Variants in KIF17 observed in about 807,000 individuals in gnomAD.
KIF17 encodes kinesin-like protein KIF17.
In KIF17, 80 loss-of-function variants were observed where a neutral mutation model predicts 96.8. The observed-to-expected ratio is 0.83, with a 90% CI of 0.69 to 1.00. KIF17 has a LOEUF of 1.00. Ranked by LOEUF, KIF17 falls within the 50% of genes least tolerant of loss-of-function variation. The probability of loss-of-function intolerance (pLI) is 0.00; values close to 1 mark genes in which losing one functional copy is unlikely to be tolerated. For synonymous variants in KIF17, 567 were observed against 587.5 expected, an observed-to-expected ratio of 0.97 and a Z score of 0.51; for missense variants, 1,280 against 1,372.9, an observed-to-expected ratio of 0.93 and a Z score of 1.07.
At position 20,685,295 on chromosome 1, in the gene KIF17, A is replaced by C; in HGVS notation, c.2020-275T>G. 1.6e-6 allele frequency: 1 copy of C among 637,116 alleles called. No homozygotes were observed. 39.5% of individuals were successfully genotyped at this position (637,116 alleles called of 1,614,324 possible). On this transcript the variant is annotated intron_variant, in intron 9 of 14. Coordinates refer to ENST00000400463, the MANE Select transcript of KIF17 (RefSeq NM_001122819.3). This position sits in a 1 kb window ranked among gnomAD's most constrained non-coding sequence, Gnocchi z 4.1. The stretch of plus-strand genomic sequence containing the variant: ...CACAGGCAGCCAGGGCCATCTTAAA[A>C]TAGAAACCGATCACATCCCGTTCCC...
chr1:20,708,910 A>G (rs2054389121), intron 4 of KIF17, among the ~76,000 whole-genome samples: 1 of 152,226 alleles, frequency 6.6e-6, no homozygotes, highest in Non-Finnish European at 1.5e-5. Context: ...AGAACGTTAC[A>G]GAGGGAGAGG....
rs866968341 is a variant in KIF17 at position 20,710,563 on chromosome 1, G to T, written c.481-735C>A. On this transcript the variant is annotated intron_variant, in intron 3 of 14. Transcript: ENST00000400463. The stretch of plus-strand genomic sequence containing the variant: ...ACACGGTATTTTTCAAGTGTGAGAG[G>T]AAATAAAACCACTCTGGCACCAGAG... Among the ~76,000 whole-genome samples, 31 of 151,888 alleles carry T rather than the reference G, an allele frequency of 2.0e-4. 1 individual carries two copies. Among genetic ancestry groups the T allele is most frequent in the African/African-American group, 7.5e-4 (31 of 41,384 alleles).
intron 1 of KIF17, 73 bp from the exon 2 acceptor site, chr1:20,715,712 C>T: frequency 6.3e-7 from 1 of 1,582,870 alleles, no homozygotes; most frequent in South Asian, 1.1e-5. Context: ...GGCTCCCTAA[C>T]CCACAGACTC....
At position 20,685,316 on chromosome 1, in the gene KIF17, T is replaced by G; in HGVS notation, c.2020-296A>C. The stretch of plus-strand genomic sequence containing the variant: ...TAAAATAGAAACCGATCACATCCCG[T>G]TCCCGATGAGCCCCATGTGACTTCC... On this transcript the variant is annotated intron_variant, in intron 9 of 14. Coordinates refer to ENST00000400463, the MANE Select transcript of KIF17 (RefSeq NM_001122819.3). This position sits in a 1 kb window ranked among gnomAD's most constrained non-coding sequence, Gnocchi z 4.1. 12 of 565,762 alleles carry G rather than the reference T, an allele frequency of 2.1e-5. No individual in the cohort carries two copies. Among genetic ancestry groups the G allele is most frequent in the Non-Finnish European group, 3.7e-5 (11 of 298,002 alleles). 35.0% of individuals were successfully genotyped at this position (565,762 alleles called of 1,614,324 possible). A position where few individuals can be genotyped will look rare whatever the true frequency, so the allele number is the denominator to read the frequency against.
At chr1:20,675,711 G>A (rs939592307) in intron 11 of KIF17, among the ~76,000 whole-genome samples, 14 of 152,092 alleles carry the variant, frequency 9.2e-5, no homozygotes, top group African/African-American at 3.1e-4. Context: ...AGAAACCAGC[G>A]GGAACTCTAA....
downstream of KIF17, chr1:20,663,971 A>T: frequency 3.1e-5 from 5 of 160,776 alleles, no homozygotes; most frequent in South Asian, 1.7e-4. Context: ...AATGGCAGGG[A>T]GGGGCCCCAA....
chr1:20,676,914 A>T (rs2053749326), intron 11 of KIF17, among the ~76,000 whole-genome samples: 1 of 151,500 alleles, frequency 6.6e-6, no homozygotes, highest in African/African-American at 2.4e-5. Flanking sequence ...AAGTGGTAAA[A>T]ATCCAAGTTT....
chr1:20,689,426 G>A (rs1347010853), intron 7 of KIF17, among the ~76,000 whole-genome samples: 1 of 152,204 alleles, frequency 6.6e-6, no homozygotes, highest in Non-Finnish European at 1.5e-5. Flanking sequence ...CAAGGCAGGT[G>A]GATCGCTTGA....
rs2154536281 is a variant in KIF17, at chr1:20,690,283, T to A, written c.1286A>T (p.Glu429Val). 2.1e-6 allele frequency: 3 copies of A among 1,396,260 alleles called. No individual in the cohort carries two copies. Among genetic ancestry groups the A allele is most frequent in the Middle Eastern group, 2.0e-4 (1 of 4,934 alleles). The allele number at this position is 1,396,260 out of a possible 1,614,324, so 86.5% of individuals were successfully genotyped here. The change falls in exon 7 of 15, where the codon GAG becomes GTG. Residue 429 changes from glutamate to valine, a missense_variant. Transcript: ENST00000400463. ...RLKADYKAEQ[E>V]SRARLEEDIT... ...GTCTTCCTCCAGCCTGGCCCGAGAC[T>A]CCTGCTCGGCCTTATAGTCGGCTTT...
In KIF17 at chr1:20,710,449, C is replaced by T. The variant is rs79394808; in HGVS notation, c.481-621G>A. Among the ~76,000 whole-genome samples the T allele has an allele frequency of 1.1e-4, 16 of 152,292 alleles. No individual in the cohort carries two copies. The South Asian group carries it at 2.7e-3, about 26-fold the overall frequency. ...GCCCAGAGGCCCCCAGCCCTCAGGG[C>T]GATGGCAGCAGTAAATTAATTTATC... On this transcript the variant is annotated intron_variant, in intron 3 of 14. Transcript: ENST00000400463.
rs2053954767 is a variant in KIF17, at chr1:20,687,319, T to TGA, written c.1938+67_1938+68dup. 2.0e-6 allele frequency: 3 copies of TGA among 1,535,498 alleles called. No homozygotes were observed. The highest frequency in any genetic ancestry group is 1.7e-5 in the Admixed American group (1 of 59,872). On this transcript the variant is annotated intron_variant, in intron 8 of 14. Coordinates refer to ENST00000400463, the MANE Select transcript of KIF17 (RefSeq NM_001122819.3). This position sits in a 1 kb window ranked among gnomAD's most constrained non-coding sequence, Gnocchi z 4.4. ...ATGTGTGTGAACAGTGTGTGCACAG[T>TGA]GAGCTCCGGGCCCTGGGCAAGCTCT...
At chr1:20,715,769 G>C (rs1359847903) in intron 1 of KIF17, 130 bp from the exon 2 acceptor site, 2 of 1,077,642 alleles carry the variant, frequency 1.9e-6, no homozygotes, top group Non-Finnish European at 2.8e-6. Flanking sequence ...GGACTGTGGA[G>C]ATAAACAAGG....
At position 20,715,738 on chromosome 1, in the gene KIF17, C is replaced by A. The variant is rs945430257; in HGVS notation, c.232-99G>T. 3.2e-4 allele frequency: 443 copies of A among 1,404,702 alleles called. 1 individual carries two copies. The highest frequency in any genetic ancestry group is 1.4e-3 in the Middle Eastern group (8 of 5,632). 87.0% of individuals were successfully genotyped at this position (1,404,702 alleles called of 1,614,324 possible). On this transcript the variant is annotated intron_variant, in intron 1 of 14. Coordinates refer to ENST00000400463, the MANE Select transcript of KIF17 (RefSeq NM_001122819.3). ...CCACAGACTCAGGGCCCTTCCTGGTCCCCCCACCAACAATGGCACTGGACT... is the reference window on the plus strand; with the variant it reads ...CCACAGACTCAGGGCCCTTCCTGGTACCCCCACCAACAATGGCACTGGACT...
intron 7 of KIF17, 128 bp downstream of exon 7, chr1:20,690,060 G>T: frequency 1.0e-6 from 1 of 982,848 alleles, no homozygotes. Context: ...TACCTTACTG[G>T]ACCATTGTGA....
chr1:20,709,581 G>A lies in KIF17; in HGVS notation c.670+58C>T. The stretch of plus-strand genomic sequence containing the variant: ...GCGGCCCCGAGAGGTGGCGTGCCTT[G>A]GCTAGTGGGAGTGGCTGGGTCATCT... On this transcript the variant is annotated intron_variant, in intron 4 of 14. Transcript: ENST00000400463. The surrounding 1 kb of genome is among the most constrained non-coding windows in gnomAD (Gnocchi z 4.7). 2.5e-6 allele frequency: 4 copies of A among 1,593,522 alleles called. No individual in the cohort carries two copies. In the Admixed American group the frequency reaches 5.0e-5, roughly 20 times the overall value.
At chr1:20,679,251 C>T (rs950053109) in intron 11 of KIF17, among the ~76,000 whole-genome samples, 4 of 151,882 alleles carry the variant, frequency 2.6e-5, no homozygotes, top group Admixed American at 6.6e-5. Context: ...CGTAACACAG[C>T]AAGACCCCCA....
rs2054399496 is a variant in KIF17 at position 20,709,543 on chromosome 1, T to C, written c.670+96A>G. The stretch of plus-strand genomic sequence containing the variant: ...GCTGTTAGAGCATCTCTTCCCACTT[T>C]CCAGGGGCTCCTGCGGCCCCGAGAG... On this transcript the variant is annotated intron_variant, in intron 4 of 14. Transcript: ENST00000400463. This position sits in a 1 kb window ranked among gnomAD's most constrained non-coding sequence, Gnocchi z 4.7. The C allele has an allele frequency of 7.2e-7, 1 of 1,397,924 alleles. No individual in the cohort carries two copies. The highest frequency in any genetic ancestry group is 2.3e-5 in the East Asian group (1 of 43,470). The allele number at this position is 1,397,924 out of a possible 1,614,324, so 86.6% of individuals were successfully genotyped here.
rs747719983 is a variant in KIF17, at chr1:20,705,893, C to CTTTTT, written c.671-999_671-995dup. 4.1e-4 allele frequency among the ~76,000 whole-genome samples: 22 copies of CTTTTT among 53,566 alleles called. 4 individuals are homozygous for CTTTTT. Among genetic ancestry groups the CTTTTT allele is most frequent in the Non-Finnish European group, 6.0e-4 (17 of 28,142 alleles). The allele number at this position is 53,566 out of a possible 152,430, so 35.1% of individuals were successfully genotyped here. Reference sequence around the variant, plus strand: ...GTCTATAATCCTCAGTAGGATGTCTCTTTTTTTTTTTTTTTTTTTTTTTTT... The same window carrying CTTTTT: ...GTCTATAATCCTCAGTAGGATGTCTCTTTTTTTTTTTTTTTTTTTTTTTTTTTTTT... On this transcript the variant is annotated intron_variant, in intron 4 of 14. Coordinates refer to ENST00000400463, the MANE Select transcript of KIF17 (RefSeq NM_001122819.3).
rs1020327106 is a variant in KIF17, at chr1:20,700,472, G to A, written c.1124-1984C>T. Among the ~76,000 whole-genome samples, 1 of 152,214 alleles carries A rather than the reference G, an allele frequency of 6.6e-6. No homozygotes were observed. On this transcript the variant is annotated intron_variant, in intron 5 of 14. Coordinates refer to ENST00000400463, the MANE Select transcript of KIF17 (RefSeq NM_001122819.3). The surrounding 1 kb of genome is among the most constrained non-coding windows in gnomAD (Gnocchi z 4.6). ...AGCCAGGGGCGACCCCAAGTGTCTG[G>A]TTTGAACACCTGAGTTGCCTCTGTC...
Sources: allele counts gnomAD v4.1 joint callset (sites outside exome capture counted in the v4.1 genomes callset), GRCh38; gene constraint gnomAD v4.1.1; non-coding constraint Gnocchi (gnomAD v3.1); transcripts MANE v1.5; gene names NCBI Gene and HGNC (gene_info 2026-07-23, HGNC 2026-07-21).